The following ACAT2 variants were observed in gnomAD, a reference collection of about 807,000 sequenced individuals.
ACAT2 encodes acetyl-CoA acetyltransferase, cytosolic.
A neutral mutation model predicts 37.1 loss-of-function variants in ACAT2; 26 were observed. That is an observed-to-expected ratio of 0.70 (90% confidence interval 0.51 to 0.97). ACAT2 has a LOEUF of 0.97. Ranked by LOEUF, ACAT2 falls within the 50% of genes least tolerant of loss-of-function variation. The pLI, the probability that ACAT2 is intolerant of heterozygous loss-of-function variation, is 0.00. For missense variants in ACAT2, 468 were observed against 489.0 expected, an observed-to-expected ratio of 0.96 and a Z score of 0.40; for synonymous variants, 156 against 163.6, an observed-to-expected ratio of 0.95 and a Z score of 0.35.
intron 4 of ACAT2, 67 bp from the exon 5 acceptor site, chr6:159,775,103 A>G: frequency 6.4e-7 from 1 of 1,558,742 alleles, no homozygotes; most frequent in Non-Finnish European, 8.7e-7. Flanking sequence ...TCAAATGTGG[A>G]CGACTTGAGC....
intron 3 of ACAT2, 120 bp from the exon 4 acceptor site, chr6:159,768,391 A>AT (rs1434504616): frequency 1.4e-6 from 1 of 736,806 alleles, no homozygotes; most frequent in African/African-American, 1.7e-5. Context: ...AGAACTGGGG[A>AT]GAAGGGCTGC....
At position 159,775,258 on chromosome 6, in the gene ACAT2, G is replaced by GA; in HGVS notation, c.582dup (p.Ala195SerfsTer5). Reference sequence around the variant, plus strand: ...CCCAGAACAGGACAGAGAATGCACAGAAAGCTGGCCATTTTGACAAAGAGA... The same window carrying GA: ...CCCAGAACAGGACAGAGAATGCACAGAAAAGCTGGCCATTTTGACAAAGAGA... On this transcript the variant is annotated frameshift_variant, in exon 5 of 9. Coordinates refer to ENST00000367048, the MANE Select transcript of ACAT2 (RefSeq NM_005891.3). LOFTEE classifies it high-confidence loss of function. 1 of 1,614,186 alleles carries GA rather than the reference G, an allele frequency of 6.2e-7. No individual in the cohort carries two copies. Among genetic ancestry groups the GA allele is most frequent in the Non-Finnish European group, 8.5e-7 (1 of 1,180,026 alleles).
chr6:159,763,627 T>TA (rs1780197549), intron 2 of ACAT2, among the ~76,000 whole-genome samples: 3 of 138,756 alleles, frequency 2.2e-5, no homozygotes, highest in African/African-American at 8.2e-5. Context: ...CCTTTTCTTT[T>TA]CCTTTTTTTT....
At chr6:159,765,678 C>A (rs1158593516) in intron 2 of ACAT2, among the ~76,000 whole-genome samples, 1 of 58,610 alleles carries the variant, frequency 1.7e-5, no homozygotes, top group Non-Finnish European at 3.9e-5. Context: ...GTAATGCGCC[C>A]CCCTCCCCCG....
At chr6:159,762,576 T>C (rs1412753776) in intron 1 of ACAT2, 9 of 1,350,748 alleles carry the variant, frequency 6.7e-6, no homozygotes, top group Non-Finnish European at 8.7e-6. Context: ...CGTGACTTCG[T>C]CTCCTTCGTG....
intron 4 of ACAT2, among the ~76,000 whole-genome samples, chr6:159,770,249 G>C (rs141951584): frequency 6.6e-5 from 10 of 152,298 alleles, no homozygotes; most frequent in African/African-American, 2.4e-4. Flanking sequence ...AGCATGCAAT[G>C]AGAACTTTCT....
intron 1 of ACAT2, chr6:159,762,717 T>A (rs757047042): frequency 4.6e-6 from 7 of 1,531,912 alleles, no homozygotes; most frequent in South Asian, 3.5e-5. Flanking sequence ...GGAGGTCGCC[T>A]GTCCAGCCCT....
intron 3 of ACAT2, 137 bp downstream of exon 3, chr6:159,767,323 C>A: frequency 2.2e-6 from 2 of 917,694 alleles, no homozygotes; most frequent in Non-Finnish European, 3.3e-6. Flanking sequence ...CAACCTTGAT[C>A]CCTACTTGAA....
chr6:159,778,028 GAA>G (rs1780462072), intron 7 of ACAT2, 140 bp from the exon 8 acceptor site: 3 of 557,886 alleles, frequency 5.4e-6, no homozygotes, highest in Non-Finnish European at 9.4e-6. Flanking sequence ...AAATGTGTGA[GAA>G]TGTCACTGTA....
chr6:159,763,995 G>A (rs1011246074), intron 2 of ACAT2, among the ~76,000 whole-genome samples: 2 of 150,796 alleles, frequency 1.3e-5, no homozygotes, highest in African/African-American at 4.9e-5. Context: ...CAGCTACTTG[G>A]GAGGCTGAGA....
chr6:159,762,227 G>A (rs899473075), intron 1 of ACAT2, 85 bp downstream of exon 1: 27 of 1,464,996 alleles, frequency 1.8e-5, no homozygotes, highest in Non-Finnish European at 2.5e-5. Context: ...TGTAGGAGAG[G>A]GGCGTATGTG....
chr6:159,764,112 G>A (rs1201972103), intron 2 of ACAT2, among the ~76,000 whole-genome samples: 4 of 151,840 alleles, frequency 2.6e-5, no homozygotes, highest in Non-Finnish European at 5.9e-5. Context: ...TTAAAAAGAA[G>A]AAGAAGAAGC....
At chr6:159,772,895 G>A (rs897864522) in intron 4 of ACAT2, among the ~76,000 whole-genome samples, 1 of 151,942 alleles carries the variant, frequency 6.6e-6, no homozygotes, top group African/African-American at 2.4e-5. Flanking sequence ...GTGTGTGTGT[G>A]TGGAGACGGG....
chr6:159,776,168 CAG>C lies in ACAT2; in HGVS notation c.655_656del (p.Asp219Ter). 6.2e-7 allele frequency: 1 copy of C among 1,614,020 alleles called. No individual in the cohort carries two copies. The highest frequency in any genetic ancestry group is 8.5e-7 in the Non-Finnish European group (1 of 1,179,966). ...TGCTTAGGTCTTATTGAAGTTAAAA[CAG>C]ATGAGTTTCCTCGCCATGGGAGCAA... On this transcript the variant is annotated frameshift_variant, in exon 6 of 9. Coordinates refer to ENST00000367048, the MANE Select transcript of ACAT2 (RefSeq NM_005891.3). LOFTEE classifies it high-confidence loss of function.
chr6:159,778,260 C>G lies in ACAT2; in HGVS notation c.1003C>G (p.Leu335Val). Residue 335 changes from leucine to valine, a missense_variant, in exon 8 of 9, where the codon CTT becomes GTT. Transcript: ENST00000367048. ...AAVSAAIVKE[L>V]GLNPEKVNIE... Reference sequence around the variant, plus strand: ...TGTCTCTGCTGCAATAGTTAAAGAACTTGGATTAAACCCAGAGAAGGTAAA... The same window carrying G: ...TGTCTCTGCTGCAATAGTTAAAGAAGTTGGATTAAACCCAGAGAAGGTAAA... 6.2e-7 allele frequency: 1 copy of G among 1,609,270 alleles called. No individual in the cohort carries two copies. The highest frequency in any genetic ancestry group is 8.5e-7 in the Non-Finnish European group (1 of 1,178,480).
intron 4 of ACAT2, among the ~76,000 whole-genome samples, chr6:159,774,597 A>G (rs984944772): frequency 6.6e-6 from 1 of 152,116 alleles, no homozygotes; most frequent in Non-Finnish European, 1.5e-5. Flanking sequence ...CATGGCACAC[A>G]CACCATGCCC....
intron 4 of ACAT2, among the ~76,000 whole-genome samples, chr6:159,772,152 G>A (rs2114981614): frequency 6.6e-6 from 1 of 152,182 alleles, no homozygotes; most frequent in East Asian, 1.9e-4. Context: ...TTGAACCTAA[G>A]AGGCGGAGGT....
chr6:159,776,466 T>C (rs905728648), intron 6 of ACAT2, among the ~76,000 whole-genome samples, 194 bp downstream of exon 6: 3 of 152,218 alleles, frequency 2.0e-5, no homozygotes, highest in African/African-American at 7.2e-5. Flanking sequence ...GTGAGCCCCC[T>C]GCCTTAACCT....
chr6:159,775,349 T>A (rs370498672), intron 5 of ACAT2, 36 bp downstream of exon 5: 51 of 1,593,464 alleles, frequency 3.2e-5, no homozygotes, highest in Non-Finnish European at 4.0e-5. Context: ...ATCAACCTAT[T>A]TATAGGTAAG....
Sources: allele counts gnomAD v4.1 joint callset (sites outside exome capture counted in the v4.1 genomes callset), GRCh38; gene constraint gnomAD v4.1.1; transcripts MANE v1.5; gene names NCBI Gene and HGNC (gene_info 2026-07-23, HGNC 2026-07-21).